Variants in TNFRSF9 observed in about 807,000 individuals in gnomAD.
TNFRSF9 encodes the protein TNF receptor superfamily member 9.
TNFRSF9 carries 16 observed loss-of-function variants against 28.8 expected under a neutral mutation model. The ratio of observed to expected loss-of-function variants is 0.55; its 90% CI spans 0.38 to 0.84. The LOEUF (loss-of-function observed/expected upper bound fraction) is 0.84, where lower values mean the gene tolerates loss of function less well. Among genes scored for constraint, TNFRSF9 ranks in the 40% least tolerant of loss-of-function variants. The pLI is 0.00. For missense variants in TNFRSF9, 303 were observed against 315.0 expected, an observed-to-expected ratio of 0.96 and a Z score of 0.29; for synonymous variants, 131 against 117.0, an observed-to-expected ratio of 1.12 and a Z score of -0.77.
Position 7,920,692 on chromosome 1 carries a change from G to T in TNFRSF9, c.*143C>A. On this transcript the variant is annotated 3_prime_UTR_variant, in exon 8 of 8. Coordinates refer to ENST00000377507, the MANE Select transcript of TNFRSF9 (RefSeq NM_001561.6). ...GTGCATTTTTAAAGGCCAACTCATT[G>T]GCATTTAGAAAAGAACGTGTGTTGG... The T allele has an allele frequency of 1.5e-6, 1 of 670,686 alleles. No individual in the cohort carries two copies. Among genetic ancestry groups the T allele is most frequent in the Non-Finnish European group, 2.6e-6 (1 of 386,046 alleles). The allele number at this position is 670,686 out of a possible 1,614,324, so 41.5% of individuals were successfully genotyped here. A position where few individuals can be genotyped will look rare whatever the true frequency, so the allele number is the denominator to read the frequency against.
At chr1:7,921,063 T>C (rs2151410248) in intron 7 of TNFRSF9, 140 bp from the exon 8 acceptor site, 1 of 636,420 alleles carries the variant, frequency 1.6e-6, no homozygotes, top group Non-Finnish European at 2.7e-6. Flanking sequence ...CAGCCAGGCG[T>C]GGTGGCTCAT....
chr1:7,921,007 A>C, intron 7 of TNFRSF9, 84 bp from the exon 8 acceptor site: 1 of 998,214 alleles, frequency 1.0e-6, no homozygotes, highest in Non-Finnish European at 1.6e-6. Context: ...ATAGCTGCAG[A>C]ACATCTCTAA....
At chr1:7,924,178 T>C (rs1466269224) in intron 7 of TNFRSF9, among the ~76,000 whole-genome samples, 1 of 151,910 alleles carries the variant, frequency 6.6e-6, no homozygotes, top group East Asian at 1.9e-4. Context: ...TTGTGTAAAG[T>C]GTAGCATATG....
chr1:7,934,672 G>A (rs1323994286), intron 6 of TNFRSF9, among the ~76,000 whole-genome samples: 1 of 151,810 alleles, frequency 6.6e-6, no homozygotes, highest in Admixed American at 6.6e-5. Context: ...CTGCACCACT[G>A]CACTCCAGCC....
At chr1:7,932,982 G>T in intron 7 of TNFRSF9, 180 bp downstream of exon 7, 1 of 666,616 alleles carries the variant, frequency 1.5e-6, no homozygotes, top group Non-Finnish European at 2.5e-6. Flanking sequence ...ACCACCGAGC[G>T]GTGAACACTG....
intron 7 of TNFRSF9, among the ~76,000 whole-genome samples, chr1:7,925,456 C>A (rs1639638103): frequency 1.3e-5 from 2 of 152,130 alleles, no homozygotes; most frequent in Non-Finnish European, 2.9e-5. Context: ...GGTCCCCAAC[C>A]TTTTTGGCAA....
rs56299901 is a variant in TNFRSF9, at chr1:7,929,967, C to CTTTTT, written c.679+3190_679+3194dup. ...AAAGTTCTTTTGAACGACCTAAAAC[C>CTTTTT]TTTTTTTTTTTTTTTTTTTGAGACG... On this transcript the variant is annotated intron_variant, in intron 7 of 7. Coordinates refer to ENST00000377507, the MANE Select transcript of TNFRSF9 (RefSeq NM_001561.6). 1.7e-3 allele frequency among the ~76,000 whole-genome samples: 195 copies of CTTTTT among 113,072 alleles called. 2 individuals carry two copies. The highest frequency in any genetic ancestry group is 6.2e-3 in the African/African-American group (174 of 28,292). The allele number at this position is 113,072 out of a possible 152,430, so 74.2% of individuals were successfully genotyped here.
rs9658039 is a variant in TNFRSF9, at chr1:7,921,192, C to T, written c.680-269G>A. ...CCCTACTAAAAATACAAAAATTAGC[C>T]GGGCGTGGTGGCAGGTGCCTGTAAT... On this transcript the variant is annotated intron_variant, in intron 7 of 7. Transcript: ENST00000377507. Among the ~76,000 whole-genome samples, 1,432 of 151,692 alleles carry T rather than the reference C, an allele frequency of 9.4e-3. 27 individuals are homozygous for T. The highest frequency in any genetic ancestry group is 0.033 in the African/African-American group (1,363 of 41,372).
At chr1:7,923,402 A>C (rs543210743) in intron 7 of TNFRSF9, among the ~76,000 whole-genome samples, 3 of 152,266 alleles carry the variant, frequency 2.0e-5, no homozygotes, top group African/African-American at 7.2e-5. Context: ...CGTGTCTAGC[A>C]GTAAAAAGGA....
chr1:7,920,664 G>C lies in TNFRSF9; in HGVS notation c.*171C>G, dbSNP rs1177432477. ...AGACCCTGTCAAAAAAAAAAAAAAA[G>C]TGGTGCATTTTTAAAGGCCAACTCA... On this transcript the variant is annotated 3_prime_UTR_variant, in exon 8 of 8. Transcript: ENST00000377507. 5.8e-6 allele frequency: 3 copies of C among 520,122 alleles called. No individual in the cohort carries two copies. The highest frequency in any genetic ancestry group is 4.7e-5 in the South Asian group (2 of 42,818). 32.2% of individuals were successfully genotyped at this position (520,122 alleles called of 1,614,324 possible). A position where few individuals can be genotyped will look rare whatever the true frequency, so the allele number is the denominator to read the frequency against.
In TNFRSF9 at chr1:7,920,304, C is replaced by CT. The variant is rs33970118; in HGVS notation, c.*530dup. ...CCTGTTAAGTGGTATCTAGAAAATG[C>CT]TTTTTTTTTTTTTTTTTTATCACCA... On this transcript the variant is annotated 3_prime_UTR_variant, in exon 8 of 8. Transcript: ENST00000377507. 29,849 of 127,436 alleles carry CT rather than the reference C, an allele frequency of 0.23. 3,762 individuals are homozygous for CT. The highest frequency in any genetic ancestry group is 0.3 in the Middle Eastern group (75 of 246). 7.9% of individuals were successfully genotyped at this position (127,436 alleles called of 1,614,324 possible).
rs750415022 is a variant in TNFRSF9, at chr1:7,935,060, G to T, written c.497C>A (p.Ser166Tyr). The part of the protein sequence containing the change: ...VVCGPSPADL[S>Y]PGASSVTPPA... ...CGGGGTCACAGAGGATGCTCCCGGAGAGAGGTCGGCTGGAGATGGTCCACA... is the reference window on the plus strand; with the variant it reads ...CGGGGTCACAGAGGATGCTCCCGGATAGAGGTCGGCTGGAGATGGTCCACA... The change falls in exon 6 of 8, where the codon TCT becomes TAT. Residue 166 changes from serine (S) to tyrosine (Y), a missense_variant. Coordinates refer to ENST00000377507, the MANE Select transcript of TNFRSF9 (RefSeq NM_001561.6). 2.5e-6 allele frequency: 4 copies of T among 1,614,156 alleles called. No individual in the cohort carries two copies. The highest frequency in any genetic ancestry group is 3.4e-6 in the Non-Finnish European group (4 of 1,180,064).
intron 2 of TNFRSF9, among the ~76,000 whole-genome samples, chr1:7,939,351 A>G (rs928354208): frequency 9.2e-5 from 14 of 152,144 alleles, no homozygotes; most frequent in Admixed American, 9.2e-4. Flanking sequence ...CACACACAAA[A>G]AAAACAAAAA....
intron 7 of TNFRSF9, among the ~76,000 whole-genome samples, chr1:7,923,048 G>T (rs1207246699): frequency 6.6e-6 from 1 of 151,610 alleles, no homozygotes; most frequent in Non-Finnish European, 1.5e-5. Context: ...GACTACAGGT[G>T]CCCGCCACCA....
chr1:7,933,412 T>C (rs556916329), intron 6 of TNFRSF9, 116 bp from the exon 7 acceptor site: 4 of 1,251,824 alleles, frequency 3.2e-6, no homozygotes, highest in South Asian at 3.1e-5. Context: ...GCCTTGGGCA[T>C]CTCCAACCTG....
chr1:7,929,545 C>T lies in TNFRSF9; in HGVS notation c.679+3617G>A, dbSNP rs543478793. On this transcript the variant is annotated intron_variant, in intron 7 of 7. Transcript: ENST00000377507. ...ACCGTATTCCCACTGCAATGCTACT[C>T]CTGAAAAAATATAATCTTTTAGAGA... Among the ~76,000 whole-genome samples, 27 of 152,228 alleles carry T rather than the reference C, an allele frequency of 1.8e-4. 1 individual carries two copies. The South Asian group carries it at 5.4e-3, about 30-fold the overall frequency.
At chr1:7,932,960 A>G (rs1414158947) in intron 7 of TNFRSF9, among the ~76,000 whole-genome samples, 1 of 152,122 alleles carries the variant, frequency 6.6e-6, no homozygotes, top group Non-Finnish European at 1.5e-5. Flanking sequence ...ATAGCCCCTA[A>G]TCACCACCAT....
At position 7,920,070 on chromosome 1, in the gene TNFRSF9, C is replaced by A. The variant is rs1578068277; in HGVS notation, c.*765G>T. ...TCAGGCACTCTGCTCATACTCCCCC[C>A]TGACGGTGGAGCATGTCGTGTTACA... On this transcript the variant is annotated 3_prime_UTR_variant, in exon 8 of 8. Coordinates refer to ENST00000377507, the MANE Select transcript of TNFRSF9 (RefSeq NM_001561.6). 1.3e-5 allele frequency: 2 copies of A among 152,244 alleles called. No homozygotes were observed. The highest frequency in any genetic ancestry group is 4.8e-5 in the African/African-American group (2 of 41,424). 9.4% of individuals were successfully genotyped at this position (152,244 alleles called of 1,614,324 possible).
chr1:7,929,173 TTTTTTTG>T (rs1639697570), intron 7 of TNFRSF9, among the ~76,000 whole-genome samples: 1 of 145,284 alleles, frequency 6.9e-6, no homozygotes, highest in Admixed American at 6.9e-5. Context: ...TTTTTTTTTT[TTTTTTTG>T]AGACAGAGTC....
Sources: allele counts gnomAD v4.1 joint callset (sites outside exome capture counted in the v4.1 genomes callset), GRCh38; gene constraint gnomAD v4.1.1; transcripts MANE v1.5; gene names NCBI Gene and HGNC (gene_info 2026-07-23, HGNC 2026-07-21).